GARRE1: variants seen among roughly 807,000 people sequenced by gnomAD.
The protein encoded by GARRE1 is granule associated Rac and RHOG effector 1.
GARRE1 carries 49 observed loss-of-function variants against 103.2 expected under a neutral mutation model. That is an observed-to-expected ratio of 0.47 (90% CI 0.38 to 0.60). GARRE1 has a LOEUF of 0.60. GARRE1 is among the 20% of genes least tolerant of loss of function. The pLI, the probability that GARRE1 is intolerant of heterozygous loss-of-function variation, is 0.00. For missense variants in GARRE1, 1,199 were observed against 1,370.5 expected, an observed-to-expected ratio of 0.87 and a Z score of 1.98; for synonymous variants, 505 against 532.8, an observed-to-expected ratio of 0.95 and a Z score of 0.72.
chr19:34,329,148 T>C (rs1198633628), intron 6 of GARRE1, among the ~76,000 whole-genome samples: 1 of 152,240 alleles, frequency 6.6e-6, no homozygotes, highest in Admixed American at 6.5e-5. Context: ...GTAGGGGTGC[T>C]GCCCTTTGGC....
At chr19:34,260,547 A>G (rs1214261305) in intron 1 of GARRE1, among the ~76,000 whole-genome samples, 1 of 152,106 alleles carries the variant, frequency 6.6e-6, no homozygotes, top group Non-Finnish European at 1.5e-5. Context: ...TTTTATTATT[A>G]TACTTTAAGT....
intron 7 of GARRE1, among the ~76,000 whole-genome samples, chr19:34,333,151 A>G (rs1016689174): frequency 3.3e-5 from 5 of 152,148 alleles, no homozygotes; most frequent in African/African-American, 1.2e-4. Context: ...GGTTCAAGCT[A>G]TTCTCCTGCC....
rs575652369 is a variant in GARRE1, at chr19:34,256,482, T to C, written c.-796+1868T>C. Among the ~76,000 whole-genome samples the C allele has an allele frequency of 9.3e-3, 1,385 of 149,386 alleles. 13 individuals carry two copies. The highest frequency in any genetic ancestry group is 0.016 in the Non-Finnish European group (1,090 of 67,702). On this transcript the variant is annotated intron_variant, in intron 1 of 13. Transcript: ENST00000299505. ...TTGCAGTGAGCCGAGGTCGTGCCACTGCGCTCCAGCCTGGGCAACAGAGTG... is the reference window on the plus strand; with the variant it reads ...TTGCAGTGAGCCGAGGTCGTGCCACCGCGCTCCAGCCTGGGCAACAGAGTG...
chr19:34,320,077 A>G lies in GARRE1; in HGVS notation c.666A>G (p.Glu222=), dbSNP rs1212039488. The stretch of plus-strand genomic sequence containing the variant: ...TATCTGGCATGGGCCACACACCTGA[A>G]GTAGAGGAAGCTGTGCGGTCCTGGC... The part of the protein sequence containing the change: ...GGLSGMGHTP[E]VEEAVRSWRG... Residue 222 remains glutamate (E), a synonymous_variant, in exon 3 of 14, where the codon GAA becomes GAG. Transcript: ENST00000299505. 6.2e-7 allele frequency: 1 copy of G among 1,614,218 alleles called. No individual in the cohort carries two copies.
At position 34,352,923 on chromosome 19, in the gene GARRE1, G is replaced by A. The variant is rs1310119321; in HGVS notation, c.3181G>A (p.Glu1061Lys). 4 of 1,569,724 alleles carry A rather than the reference G, an allele frequency of 2.5e-6. No individual in the cohort carries two copies. The highest frequency in any genetic ancestry group is 8.6e-7 in the Non-Finnish European group (1 of 1,157,588). ...CTTCAAGGCCTTCCCTGGGAAGGGT[G>A]AGCGCAGGCCAGCCTATCTGCCCCA... ...KGFKAFPGKG[E>K]RRPAYLPQY Residue 1061 changes from glutamate (E) to lysine (K), a missense_variant, in exon 14 of 14, where the codon GAG becomes AAG. Coordinates refer to ENST00000299505, the MANE Select transcript of GARRE1 (RefSeq NM_014686.5).
At chr19:34,268,481 T>C (rs2073766141) in intron 1 of GARRE1, among the ~76,000 whole-genome samples, 1 of 152,202 alleles carries the variant, frequency 6.6e-6, no homozygotes, top group Admixed American at 6.5e-5. Context: ...CTAGTTTTGT[T>C]TTGTTTTGAT....
chr19:34,333,520 C>A (rs2074146745), intron 7 of GARRE1, among the ~76,000 whole-genome samples, 184 bp from the exon 8 acceptor site: 1 of 152,134 alleles, frequency 6.6e-6, no homozygotes, highest in Non-Finnish European at 1.5e-5. Flanking sequence ...TTGAAATGTT[C>A]TTAGTTTTGG....
At position 34,325,499 on chromosome 19, in the gene GARRE1, C is replaced by T. The variant is rs555077033; in HGVS notation, c.706-1922C>T. Among the ~76,000 whole-genome samples the T allele has an allele frequency of 3.9e-5, 6 of 152,262 alleles. No individual in the cohort carries two copies. In the South Asian group the frequency reaches 1.2e-3, roughly 32 times the overall value. On this transcript the variant is annotated intron_variant, in intron 3 of 13. Transcript: ENST00000299505. ...CCTGAGATTTATCCTTCAGCATTTCCGTCATGTCTACACCCAGTCCAATCC... is the reference window on the plus strand; with the variant it reads ...CCTGAGATTTATCCTTCAGCATTTCTGTCATGTCTACACCCAGTCCAATCC...
chr19:34,303,191 C>T (rs1216756338), intron 2 of GARRE1, among the ~76,000 whole-genome samples: 1 of 152,080 alleles, frequency 6.6e-6, no homozygotes, highest in African/African-American at 2.4e-5. Context: ...CTCTTATATT[C>T]GTTTGATAGA....
chr19:34,269,278 T>C (rs1180684652), intron 1 of GARRE1, among the ~76,000 whole-genome samples: 1 of 152,166 alleles, frequency 6.6e-6, no homozygotes, highest in African/African-American at 2.4e-5. Context: ...CCACATGAGA[T>C]TGGTAGCGAG....
At chr19:34,263,091 T>C (rs1455796312) in intron 1 of GARRE1, among the ~76,000 whole-genome samples, 1 of 152,070 alleles carries the variant, frequency 6.6e-6, no homozygotes, top group East Asian at 1.9e-4. Context: ...CGGGTGCCTG[T>C]AATCCCAGCT....
chr19:34,307,988 G>A (rs2074018633), intron 2 of GARRE1, among the ~76,000 whole-genome samples: 1 of 150,690 alleles, frequency 6.6e-6, no homozygotes, highest in African/African-American at 2.4e-5. Flanking sequence ...TTGCATCTTG[G>A]CTTTCAGTTT....
chr19:34,348,330 T>C (rs1376261597), intron 11 of GARRE1: 1 of 278,716 alleles, frequency 3.6e-6, no homozygotes, highest in Non-Finnish European at 6.7e-6. Context: ...TGATGGTGCT[T>C]GTGAGGTGAA....
intron 1 of GARRE1, among the ~76,000 whole-genome samples, chr19:34,273,106 G>A (rs979502304): frequency 6.6e-6 from 1 of 152,202 alleles, no homozygotes; most frequent in Non-Finnish European, 1.5e-5. Flanking sequence ...GGAGGCTGAG[G>A]CTGGTCAATC....
At chr19:34,281,007 G>C (rs1470561406) in intron 1 of GARRE1, among the ~76,000 whole-genome samples, 1 of 151,326 alleles carries the variant, frequency 6.6e-6, no homozygotes, top group Admixed American at 6.6e-5. Flanking sequence ...ATTTCAGACT[G>C]ATTTACTTCC....
Position 34,353,850 on chromosome 19 carries a change from G to A in GARRE1, c.*895G>A, listed in dbSNP as rs2074254798. 6.6e-6 allele frequency: 1 copy of A among 152,468 alleles called. No individual in the cohort carries two copies. The highest frequency in any genetic ancestry group is 1.5e-5 in the Non-Finnish European group (1 of 68,032). 9.4% of individuals were successfully genotyped at this position (152,468 alleles called of 1,614,324 possible). ...CTCAGAGACACCTGCACTAGAAATT[G>A]CATTGACATTGTGAGCTGGCTCAGA... On this transcript the variant is annotated 3_prime_UTR_variant, in exon 14 of 14. Transcript: ENST00000299505.
intron 7 of GARRE1, 86 bp from the exon 8 acceptor site, chr19:34,333,618 C>T (rs1278044340): frequency 6.1e-6 from 5 of 821,164 alleles, no homozygotes; most frequent in Non-Finnish European, 7.9e-6. Flanking sequence ...CTTAGAGAGT[C>T]ATTTTATGTA....
intron 4 of GARRE1, 34 bp downstream of exon 4, chr19:34,327,595 C>T (rs193099916): frequency 5.8e-5 from 93 of 1,608,512 alleles, no homozygotes; most frequent in Non-Finnish European, 7.1e-5. Context: ...CTGATTTCCA[C>T]GGGATAGAAA....
chr19:34,257,190 G>A (rs2073678955), intron 1 of GARRE1, among the ~76,000 whole-genome samples: 1 of 150,598 alleles, frequency 6.6e-6, no homozygotes, highest in South Asian at 2.1e-4. Flanking sequence ...AATTGCACAT[G>A]ATTCTGTGAA....
Sources: gnomAD v4.1 joint callset for allele counts (sites outside exome capture counted in the v4.1 genomes callset) on GRCh38, gnomAD v4.1.1 for gene constraint, MANE v1.5 for transcripts, NCBI Gene and HGNC (gene_info 2026-07-23, HGNC 2026-07-21) for gene names.